ADGRL3: variants seen among roughly 807,000 people sequenced by gnomAD.
ADGRL3 encodes adhesion G protein-coupled receptor L3.
Under a neutral mutation model 153.5 loss-of-function variants are expected in ADGRL3, and 62 were observed. That is an observed-to-expected ratio of 0.40 (90% CI 0.33 to 0.50). ADGRL3 has a LOEUF of 0.50. Ranked by LOEUF, ADGRL3 falls within the 20% of genes least tolerant of loss-of-function variation. The probability of loss-of-function intolerance (pLI) is 0.47; values close to 1 mark genes in which losing one functional copy is unlikely to be tolerated. For synonymous variants in ADGRL3, 710 were observed against 672.5 expected (o/e 1.06, Z -0.86); for missense variants, 1,641 against 1,859.4 (o/e 0.88, Z 2.16).
At position 61,593,551 on chromosome 4, in the gene ADGRL3, A is replaced by G. The variant is rs74340553; in HGVS notation, c.473+6111A>G. 6.1e-3 allele frequency among the ~76,000 whole-genome samples: 933 copies of G among 152,044 alleles called. 13 individuals carry two copies. The highest frequency in any genetic ancestry group is 0.02 in the African/African-American group (850 of 41,486). ...TCCTTCATGCTTAAAGGATATTTTC[A>G]CTGGATATACTATCCTAGGGTACAA... On this transcript the variant is annotated intron_variant, in intron 5 of 26. Coordinates refer to ENST00000683033, the MANE Select transcript of ADGRL3 (RefSeq NM_001387552.1).
intron 5 of ADGRL3, among the ~76,000 whole-genome samples, chr4:61,591,142 A>G (rs1230333952): frequency 1.3e-5 from 2 of 152,124 alleles, no homozygotes; most frequent in Non-Finnish European, 2.9e-5. Flanking sequence ...GAAAAACTAA[A>G]TTAGTTTTGC....
chr4:61,819,086 T>A (rs1208615423), intron 9 of ADGRL3, among the ~76,000 whole-genome samples: 1 of 152,116 alleles, frequency 6.6e-6, no homozygotes, highest in Non-Finnish European at 1.5e-5. Context: ...ATTTATAATT[T>A]AAAAATATAC....
At chr4:62,012,681 C>T (rs2099192114) in intron 21 of ADGRL3, among the ~76,000 whole-genome samples, 3 of 152,056 alleles carry the variant, frequency 2.0e-5, no homozygotes, top group Non-Finnish European at 4.4e-5. Flanking sequence ...ATTTTCTAGG[C>T]CATGCTCAAA....
intron 1 of ADGRL3, among the ~76,000 whole-genome samples, chr4:61,361,670 A>G (rs925810457): frequency 6.6e-5 from 10 of 152,164 alleles, no homozygotes; most frequent in Admixed American, 2.0e-4. Flanking sequence ...AAAGGCAGCT[A>G]TTTTTATTGT....
At chr4:62,021,323 G>A (rs1581920557) in intron 21 of ADGRL3, among the ~76,000 whole-genome samples, 1 of 152,206 alleles carries the variant, frequency 6.6e-6, no homozygotes, top group Middle Eastern at 3.4e-3. Flanking sequence ...ACAGAAGAGG[G>A]CTATGAGGTG....
intron 16 of ADGRL3, among the ~76,000 whole-genome samples, 196 bp from the exon 17 acceptor site, chr4:61,947,904 C>G (rs2098932204): frequency 6.6e-6 from 1 of 152,108 alleles, no homozygotes; most frequent in Non-Finnish European, 1.5e-5. Context: ...GCACTCTTCT[C>G]TAGTCAAAGG....
At chr4:61,773,419 A>G (rs1187049788) in intron 8 of ADGRL3, among the ~76,000 whole-genome samples, 1 of 152,204 alleles carries the variant, frequency 6.6e-6, no homozygotes, top group Non-Finnish European at 1.5e-5. Context: ...AAAACAATCC[A>G]GATTATAACC....
intron 6 of ADGRL3, among the ~76,000 whole-genome samples, chr4:61,708,237 G>A (rs538181947): frequency 3.0e-4 from 45 of 152,200 alleles, no homozygotes; most frequent in South Asian, 8.3e-4. Context: ...CACTTGGTAC[G>A]GAGAGGGATT....
chr4:61,921,044 T>C (rs2098766519), intron 13 of ADGRL3, among the ~76,000 whole-genome samples: 1 of 152,068 alleles, frequency 6.6e-6, no homozygotes, highest in Non-Finnish European at 1.5e-5. Flanking sequence ...CATAGATTTA[T>C]GACAATACAA....
intron 5 of ADGRL3, among the ~76,000 whole-genome samples, chr4:61,624,261 G>A (rs911419565): frequency 6.6e-6 from 1 of 152,144 alleles, no homozygotes; most frequent in East Asian, 1.9e-4. Context: ...TGATGGGCCA[G>A]AGTAGATATT....
chr4:61,262,678 T>G (rs1560398953), intron 1 of ADGRL3, among the ~76,000 whole-genome samples: 1 of 152,100 alleles, frequency 6.6e-6, no homozygotes, highest in Non-Finnish European at 1.5e-5. Flanking sequence ...GCGTTTATCT[T>G]AACAGAAAAA....
Position 61,236,007 on chromosome 4 carries a change from T to C in ADGRL3, c.-240+34242T>C, listed in dbSNP as rs1302235461. Among the ~76,000 whole-genome samples, 9 of 65,302 alleles carry C rather than the reference T, an allele frequency of 1.4e-4. No homozygotes were observed. The East Asian group carries it at 4.2e-3, about 31-fold the overall frequency. 42.8% of individuals were successfully genotyped at this position (65,302 alleles called of 152,430 possible). On this transcript the variant is annotated intron_variant, in intron 1 of 26. Transcript: ENST00000683033. ...TTCTTTATCAGTGTTTCTTTTCTTT[T>C]CTTTTTTTTTTTTTTTTTTTGAGAT...
rs565428672 is a variant in ADGRL3 at position 61,490,798 on chromosome 4, G to A, written c.-173-6323G>A. Among the ~76,000 whole-genome samples the A allele has an allele frequency of 3.6e-4, 55 of 151,816 alleles. 1 individual carries two copies. Among genetic ancestry groups the A allele is most frequent in the Non-Finnish European group, 6.5e-4 (44 of 67,944 alleles). On this transcript the variant is annotated intron_variant, in intron 2 of 26. Coordinates refer to ENST00000683033, the MANE Select transcript of ADGRL3 (RefSeq NM_001387552.1). ...TCAGGAGAAACTCTATGAATAATGG[G>A]AGGACCCAAACTAATGATGCTTTAC...
At chr4:61,993,545 G>T (rs1260640871) in intron 19 of ADGRL3, among the ~76,000 whole-genome samples, 1 of 151,840 alleles carries the variant, frequency 6.6e-6, no homozygotes, top group African/African-American at 2.4e-5. Context: ...ACCCACCTCG[G>T]CCTCCCAAAG....
chr4:61,986,237 C>T (rs2099085162), intron 19 of ADGRL3, among the ~76,000 whole-genome samples: 1 of 152,058 alleles, frequency 6.6e-6, no homozygotes, highest in African/African-American at 2.4e-5. Flanking sequence ...TATTTGTGAC[C>T]TTATGCTATT....
At chr4:61,893,087 T>C (rs76111198) in intron 10 of ADGRL3, 129 bp downstream of exon 10, 435 of 375,496 alleles carry the variant, frequency 1.2e-3, no homozygotes, top group Non-Finnish European at 1.6e-3. Flanking sequence ...CCTTGTCTCT[T>C]TCTTTCTCCT....
chr4:61,750,103 C>T (rs1580616766), intron 8 of ADGRL3, among the ~76,000 whole-genome samples: 1 of 131,982 alleles, frequency 7.6e-6, no homozygotes, highest in African/African-American at 2.8e-5. Context: ...CAAGAAAGAA[C>T]AAGGCAGGCA....
chr4:61,568,679 T>C (rs900166706), intron 4 of ADGRL3, among the ~76,000 whole-genome samples: 4 of 152,160 alleles, frequency 2.6e-5, no homozygotes, highest in African/African-American at 9.6e-5. Context: ...AAGTTAATGG[T>C]CTTTTTTTCA....
At chr4:61,892,057 G>A (rs1379831840) in intron 9 of ADGRL3, among the ~76,000 whole-genome samples, 9 of 152,144 alleles carry the variant, frequency 5.9e-5, no homozygotes, top group Non-Finnish European at 1.0e-4. Context: ...TGAAAATTGT[G>A]TGAAGGTGAG....
Sources: gnomAD v4.1 joint callset for allele counts (sites outside exome capture counted in the v4.1 genomes callset) on GRCh38, gnomAD v4.1.1 for gene constraint, MANE v1.5 for transcripts, NCBI Gene and HGNC (gene_info 2026-07-23, HGNC 2026-07-21) for gene names.